Variants in RARB observed in about 807,000 individuals in gnomAD.
RARB encodes HBV-activated protein.
In RARB, 17 loss-of-function variants were observed where a neutral mutation model predicts 51.9. That is an observed-to-expected ratio of 0.33 (90% CI 0.22 to 0.49). RARB has a LOEUF of 0.49. RARB is among the 20% of genes least tolerant of loss of function. The probability of loss-of-function intolerance (pLI) is 0.99; values close to 1 mark genes in which losing one functional copy is unlikely to be tolerated. For missense variants in RARB, 369 were observed against 550.8 expected, an observed-to-expected ratio of 0.67 and a Z score of 3.30; for synonymous variants, 215 against 195.4, an observed-to-expected ratio of 1.10 and a Z score of -0.84.
intron 2 of RARB, among the ~76,000 whole-genome samples, chr3:24,951,260 G>A (rs1023940037): frequency 2.6e-5 from 4 of 152,082 alleles, no homozygotes; most frequent in Non-Finnish European, 5.9e-5. Context: ...CAGAAAGGAG[G>A]CTCCTTGTTA....
At position 24,909,451 on chromosome 3, in the gene RARB, G is replaced by A. The variant is rs893872402; in HGVS notation, c.-380+50699G>A. ...TCACTGACGCGGGTGAATGCAGTGA[G>A]CTATGAAAGAACAGAGTGTGCACAC... is the stretch of plus-strand genomic sequence containing the variant. On this transcript the variant is annotated intron_variant, in intron 2 of 11. Coordinates refer to the RARB transcript ENST00000383772. Among the ~76,000 whole-genome samples, 47 of 152,258 alleles carry A rather than the reference G, an allele frequency of 3.1e-4. 2 individuals carry two copies. The highest frequency in any genetic ancestry group is 2.7e-3 in the Admixed American group (42 of 15,294).
chr3:25,494,251 A>ACACACACACGCACGCGCGCGCGCG (rs1443411582), intron 2 of RARB, among the ~76,000 whole-genome samples: 7,005 of 76,796 alleles, frequency 0.091, 221 homozygotes, highest in Admixed American at 0.11. Context: ...GCTGTATCTT[A>ACACACACACGCACGCGCGCGCGCG]CGCACACACA....
At chr3:25,508,675 T>C (rs1365327484) in intron 3 of RARB, among the ~76,000 whole-genome samples, 1 of 152,178 alleles carries the variant, frequency 6.6e-6, no homozygotes, top group Admixed American at 6.5e-5. Context: ...GGGTTCACTG[T>C]GATCATTTTG....
intron 3 of RARB, among the ~76,000 whole-genome samples, chr3:25,122,566 G>T (rs527243248): frequency 6.6e-6 from 1 of 152,258 alleles, no homozygotes; most frequent in South Asian, 2.1e-4. Context: ...TACGGCAAGG[G>T]ACAGGAAAGT....
At chr3:25,195,417 A>C (rs1007851360) in intron 5 of RARB, among the ~76,000 whole-genome samples, 1 of 152,050 alleles carries the variant, frequency 6.6e-6, no homozygotes. Context: ...CAGCAGTAAC[A>C]TGCTAAAGTA....
At chr3:25,517,344 A>G (rs192381326) in intron 3 of RARB, among the ~76,000 whole-genome samples, 18 of 152,372 alleles carry the variant, frequency 1.2e-4, no homozygotes, top group African/African-American at 4.3e-4. Flanking sequence ...ATTTGAGTAG[A>G]CATTCCACCA....
At position 25,501,301 on chromosome 3, in the gene RARB, T is replaced by G. The variant is rs1483003968; in HGVS notation, c.426T>G (p.Phe142Leu). 6.2e-7 allele frequency: 1 copy of G among 1,609,892 alleles called. No individual in the cohort carries two copies. Among genetic ancestry groups the G allele is most frequent in the African/African-American group, 1.3e-5 (1 of 74,544 alleles). Reference sequence around the variant, plus strand: ...AATACTGTCGACTCCAGAAGTGCTTTGAAGTGGGAATGTCCAAAGAATGTA... The same window carrying G: ...AATACTGTCGACTCCAGAAGTGCTTGGAAGTGGGAATGTCCAAAGAATGTA... The part of the protein sequence containing the change: ...RCQYCRLQKC[F>L]EVGMSKESVR... The change falls in exon 3 of 8, where the codon TTT (phenylalanine) becomes TTG (leucine). Residue 142 changes from phenylalanine to leucine, a missense_variant. This residue lies in a region of RARB where 9 missense variants were observed against 33.1 expected (regional missense o/e 0.27). Transcript: ENST00000330688.
chr3:25,316,969 C>A (rs1704442983), intron 5 of RARB, among the ~76,000 whole-genome samples: 1 of 152,112 alleles, frequency 6.6e-6, no homozygotes, highest in Admixed American at 6.6e-5. Context: ...ATTTAGCCAA[C>A]CAAGGTCCTC....
intron 2 of RARB, among the ~76,000 whole-genome samples, chr3:25,038,516 G>A (rs991115788): frequency 6.6e-6 from 1 of 152,128 alleles, no homozygotes; most frequent in Non-Finnish European, 1.5e-5. Flanking sequence ...ATAGGTCATT[G>A]TGGCCCTCCT....
chr3:24,932,599 T>G (rs919952347), intron 2 of RARB, among the ~76,000 whole-genome samples: 1 of 152,124 alleles, frequency 6.6e-6, no homozygotes, highest in Non-Finnish European at 1.5e-5. Context: ...GCTGAAAGTC[T>G]TCTATATGTT....
upstream of RARB, among the ~76,000 whole-genome samples, chr3:25,423,393 G>A (rs1477514884): frequency 1.3e-5 from 2 of 152,172 alleles, no homozygotes; most frequent in Non-Finnish European, 2.9e-5. Context: ...TTTAAATGAG[G>A]TAGTTCTATA....
rs191630203 is a variant in RARB at position 25,500,334 on chromosome 3, A to T, written c.307-848A>T. ...TATTTCTTGTTTCCAATTTTGGATA[A>T]TTTTTTTAAATTGTATTTTAAATGT... On this transcript the variant is annotated intron_variant, in intron 2 of 7. Coordinates refer to ENST00000330688, the MANE Select transcript of RARB (RefSeq NM_000965.5). Among the ~76,000 whole-genome samples the T allele has an allele frequency of 3.7e-3, 559 of 151,808 alleles. 2 individuals carry two copies. Among genetic ancestry groups the T allele is most frequent in the African/African-American group, 0.013 (535 of 41,380 alleles).
At chr3:25,410,930 G>T (rs1707545704) in intron 5 of RARB, among the ~76,000 whole-genome samples, 1 of 152,206 alleles carries the variant, frequency 6.6e-6, no homozygotes, top group African/African-American at 2.4e-5. Context: ...GCCTGTATTT[G>T]ACATAAGAAG....
chr3:24,972,659 C>A (rs1178815318), intron 2 of RARB, among the ~76,000 whole-genome samples: 1 of 151,874 alleles, frequency 6.6e-6, no homozygotes, highest in African/African-American at 2.4e-5. Context: ...TCTGTTATTT[C>A]CAGACTTTTT....
chr3:25,137,494 T>C (rs1407243623), intron 4 of RARB, among the ~76,000 whole-genome samples: 1 of 152,038 alleles, frequency 6.6e-6, no homozygotes, highest in Admixed American at 6.6e-5. Flanking sequence ...AAAAACCCAG[T>C]GAAATTAGTT....
chr3:25,225,175 C>G (rs1702029358), intron 5 of RARB, among the ~76,000 whole-genome samples: 1 of 152,090 alleles, frequency 6.6e-6, no homozygotes, highest in Non-Finnish European at 1.5e-5. Flanking sequence ...AAGATGCTTA[C>G]TACATGTTTA....
chr3:24,954,678 A>T (rs946180365), intron 2 of RARB, among the ~76,000 whole-genome samples: 1 of 152,114 alleles, frequency 6.6e-6, no homozygotes, highest in Non-Finnish European at 1.5e-5. Context: ...AAGGGGGTGG[A>T]GTCATTATTG....
chr3:25,202,415 T>A (rs1029762886), intron 5 of RARB, among the ~76,000 whole-genome samples: 2 of 152,108 alleles, frequency 1.3e-5, no homozygotes, highest in African/African-American at 2.4e-5. Flanking sequence ...TTTTGAAGGG[T>A]TTTTTGTGTC....
intron 2 of RARB, among the ~76,000 whole-genome samples, chr3:24,872,221 C>A (rs939445596): frequency 1.3e-5 from 2 of 152,148 alleles, no homozygotes; most frequent in Non-Finnish European, 2.9e-5. Context: ...TACCATTATC[C>A]CCCTTGCACA....
Sources: allele counts gnomAD v4.1 joint callset (sites outside exome capture counted in the v4.1 genomes callset), GRCh38; gene constraint gnomAD v4.1.1; regional missense constraint gnomAD v4.1.1; transcripts MANE v1.5; gene names NCBI Gene and HGNC (gene_info 2026-07-23, HGNC 2026-07-21).